The following PARN variants were observed in gnomAD, a reference collection of about 807,000 sequenced individuals.
PARN encodes the protein poly(A)-specific ribonuclease, also known as poly(A)-specific ribonuclease PARN.
Under a neutral mutation model 102.8 loss-of-function variants are expected in PARN, and 71 were observed. The ratio of observed to expected loss-of-function variants is 0.69; its 90% CI spans 0.57 to 0.84. The LOEUF is 0.84. Ranked by LOEUF, PARN falls within the 40% of genes least tolerant of loss-of-function variation. PARN has a pLI of 0.00. For missense variants in PARN, 782 were observed against 760.9 expected (o/e 1.03, Z -0.33); for synonymous variants, 261 against 252.9 (o/e 1.03, Z -0.30).
At chr16:14,470,190 T>A (rs1323281564) in intron 22 of PARN, among the ~76,000 whole-genome samples, 2 of 152,158 alleles carry the variant, frequency 1.3e-5, no homozygotes, top group African/African-American at 4.8e-5. Context: ...AGCTTCATGT[T>A]ATTTAAAATA....
At chr16:14,519,736 C>A (rs1015719896) in intron 21 of PARN, among the ~76,000 whole-genome samples, 3 of 152,092 alleles carry the variant, frequency 2.0e-5, no homozygotes, top group Non-Finnish European at 4.4e-5. Context: ...ACTAACTGGC[C>A]ACTACTGTCC....
intron 1 of PARN, 77 bp downstream of exon 1, chr16:14,630,030 G>A (rs1972941465): frequency 2.2e-6 from 3 of 1,337,518 alleles, no homozygotes; most frequent in Non-Finnish European, 3.1e-6. Flanking sequence ...AGCCAAACAC[G>A]CCGGCCATGG....
At chr16:14,586,150 A>AT (rs1484100983) in intron 14 of PARN, among the ~76,000 whole-genome samples, 168 bp downstream of exon 14, 2 of 151,520 alleles carry the variant, frequency 1.3e-5, no homozygotes, top group Non-Finnish European at 2.9e-5. Flanking sequence ...CTAATTTTTT[A>AT]TTTTTTATAG....
chr16:14,589,545 A>C (rs902579681), intron 13 of PARN, among the ~76,000 whole-genome samples: 50 of 151,848 alleles, frequency 3.3e-4, no homozygotes, highest in Admixed American at 1.3e-4. Flanking sequence ...AGCCTGGGTG[A>C]CAGAGTGAGA....
At chr16:14,622,976 T>C (rs1439417886) in intron 5 of PARN, among the ~76,000 whole-genome samples, 1 of 151,924 alleles carries the variant, frequency 6.6e-6, no homozygotes, top group African/African-American at 2.4e-5. Context: ...TGGTGGCATG[T>C]GCCTGTAGTT....
intron 11 of PARN, among the ~76,000 whole-genome samples, chr16:14,600,862 G>A (rs545605952): frequency 1.2e-4 from 18 of 152,188 alleles, no homozygotes; most frequent in East Asian, 1.2e-3. Flanking sequence ...CCCGGGAGAC[G>A]GAGGTTGCAT....
intron 23 of PARN, among the ~76,000 whole-genome samples, chr16:14,442,376 C>T (rs767716980): frequency 6.6e-6 from 1 of 152,128 alleles, no homozygotes. Flanking sequence ...TTTTCCTTTG[C>T]GTACCGAGTA....
intron 22 of PARN, among the ~76,000 whole-genome samples, chr16:14,455,580 C>A (rs1011010741): frequency 1.3e-5 from 2 of 152,196 alleles, no homozygotes; most frequent in Non-Finnish European, 2.9e-5. Context: ...ACAGGAATCA[C>A]GCTTCAAAGC....
chr16:14,548,040 C>T (rs1018817893), intron 21 of PARN, among the ~76,000 whole-genome samples: 5 of 151,966 alleles, frequency 3.3e-5, no homozygotes, highest in East Asian at 1.9e-4. Flanking sequence ...GTCAGGCATT[C>T]GAGACCATCC....
At position 14,629,469 on chromosome 16, in the gene PARN, T is replaced by C. The variant is rs1972894082; in HGVS notation, c.97+128A>G. The C allele has an allele frequency of 6.8e-5, 48 of 704,002 alleles. No individual in the cohort carries two copies. In the South Asian group the frequency reaches 7.6e-4, roughly 11 times the overall value. 43.6% of individuals were successfully genotyped at this position (704,002 alleles called of 1,614,324 possible). A position where few individuals can be genotyped will look rare whatever the true frequency, so the allele number is the denominator to read the frequency against. Reference sequence around the variant, plus strand: ...GTTTAAAGGGTAACACTGAGACCTGTGAAACCCGCCCAAGGCTACTAACAG... The same window carrying C: ...GTTTAAAGGGTAACACTGAGACCTGCGAAACCCGCCCAAGGCTACTAACAG... On this transcript the variant is annotated intron_variant, in intron 2 of 23. Coordinates refer to ENST00000437198, the MANE Select transcript of PARN (RefSeq NM_002582.4).
intron 19 of PARN, among the ~76,000 whole-genome samples, chr16:14,555,239 TAAAACAAAAC>T (rs955962017): frequency 6.6e-6 from 1 of 151,930 alleles, no homozygotes; most frequent in Non-Finnish European, 1.5e-5. Flanking sequence ...GTTTTTTAAA[TAAAACAAAAC>T]AAAACAAAAC....
intron 21 of PARN, among the ~76,000 whole-genome samples, chr16:14,487,959 T>C (rs781209870): frequency 9.2e-5 from 14 of 152,098 alleles, no homozygotes; most frequent in Admixed American, 2.0e-4. Context: ...GGGCCAACAA[T>C]AGCTGGGACA....
At chr16:14,590,965 T>A (rs892737066) in intron 13 of PARN, among the ~76,000 whole-genome samples, 2 of 152,140 alleles carry the variant, frequency 1.3e-5, no homozygotes, top group African/African-American at 4.8e-5. Flanking sequence ...ATATTAATCT[T>A]TTAGCTGGGC....
At chr16:14,608,856 A>G (rs957656633) in intron 8 of PARN, among the ~76,000 whole-genome samples, 2 of 152,218 alleles carry the variant, frequency 1.3e-5, no homozygotes, top group African/African-American at 4.8e-5. Flanking sequence ...CTCCAAGTAC[A>G]GGACAAAGCA....
At chr16:14,565,253 G>A (rs1266578580) in intron 18 of PARN, among the ~76,000 whole-genome samples, 1 of 152,124 alleles carries the variant, frequency 6.6e-6, no homozygotes, top group South Asian at 2.1e-4. Context: ...TGGCTAGATG[G>A]GAGTGACTGT....
At chr16:14,522,239 A>C (rs1965774637) in intron 21 of PARN, among the ~76,000 whole-genome samples, 1 of 152,246 alleles carries the variant, frequency 6.6e-6, no homozygotes, top group Non-Finnish European at 1.5e-5. Flanking sequence ...TCATTTGCAC[A>C]TCAAGAACCA....
At chr16:14,501,088 G>A (rs1002742078) in intron 21 of PARN, among the ~76,000 whole-genome samples, 4 of 151,828 alleles carry the variant, frequency 2.6e-5, no homozygotes, top group African/African-American at 4.8e-5. Context: ...TTCCCTTGAG[G>A]ACATGATATG....
chr16:14,517,731 T>C (rs756346550), intron 21 of PARN, among the ~76,000 whole-genome samples: 22 of 152,154 alleles, frequency 1.4e-4, no homozygotes, highest in African/African-American at 3.9e-4. Flanking sequence ...CAGGCTAGAG[T>C]GCAGTGGCAA....
chr16:14,513,513 C>T (rs72787644), intron 21 of PARN, among the ~76,000 whole-genome samples: 1 of 152,240 alleles, frequency 6.6e-6, no homozygotes, highest in Non-Finnish European at 1.5e-5. Context: ...TGGCTAAGAA[C>T]TGGAGCTACT....
Sources: allele counts gnomAD v4.1 joint callset (sites outside exome capture counted in the v4.1 genomes callset), GRCh38; gene constraint gnomAD v4.1.1; transcripts MANE v1.5; gene names NCBI Gene and HGNC (gene_info 2026-07-23, HGNC 2026-07-21).